MICALL1: variants seen among roughly 807,000 people sequenced by gnomAD.
The protein encoded by MICALL1 is MICAL-like protein 1.
MICALL1 carries 61 observed loss-of-function variants against 83.7 expected under a neutral mutation model. The observed-to-expected ratio is 0.73, with a 90% CI of 0.59 to 0.90. The LOEUF (loss-of-function observed/expected upper bound fraction) is 0.90. Among genes scored for constraint, MICALL1 ranks in the 40% least tolerant of loss-of-function variants. The probability of loss-of-function intolerance (pLI) is 0.00; values close to 1 mark genes in which losing one functional copy is unlikely to be tolerated. For synonymous variants in MICALL1, 481 were observed against 473.6 expected (o/e 1.02, Z -0.20); for missense variants, 1,066 against 1,152.0 (o/e 0.93, Z 1.08).
intron 3 of MICALL1, 31 bp from the exon 4 acceptor site, chr22:37,917,672 ACCTG>A: frequency 6.2e-7 from 1 of 1,605,654 alleles, no homozygotes. Context: ...CAGGATCTCC[ACCTG>A]CTTCAGGACC....
At position 37,925,817 on chromosome 22, in the gene MICALL1, G is replaced by A. The variant is rs760462241; in HGVS notation, c.1239G>A (p.Pro413=). Residue 413 remains proline (P), a synonymous_variant, in exon 8 of 16, where the codon CCG becomes CCA. Transcript: ENST00000215957. ...GAGGCACCGAGGAGGTGGCCCAGCCGAGCCCAACGGCCAGCCTGGAGTCCA... is the reference window on the plus strand; with the variant it reads ...GAGGCACCGAGGAGGTGGCCCAGCCAAGCCCAACGGCCAGCCTGGAGTCCA... ...ENGGTEEVAQ[P]SPTASLESKP... 9.3e-6 allele frequency: 15 copies of A among 1,613,796 alleles called. No individual in the cohort carries two copies. The highest frequency in any genetic ancestry group is 3.3e-5 in the South Asian group (3 of 91,078).
rs1930169186 is a variant in MICALL1 at position 37,937,082 on chromosome 22, A to G, written c.2311A>G (p.Lys771Glu). 1 of 1,551,402 alleles carries G rather than the reference A, an allele frequency of 6.4e-7. No individual in the cohort carries two copies. Among genetic ancestry groups the G allele is most frequent in the Non-Finnish European group, 8.7e-7 (1 of 1,146,912 alleles). Residue 771 changes from lysine to glutamate, a missense_variant and splice_region_variant, in exon 14 of 16, where the codon AAG (lysine) becomes GAG (glutamate). Physicochemically the swap from Lys to Glu is moderately conservative, Grantham distance 56 (BLOSUM62 1). Coordinates refer to ENST00000215957, the MANE Select transcript of MICALL1 (RefSeq NM_033386.4). ...CCCTAACTTTTCTCCCTGGGCAGAA[A>G]AGGACTGGACGGAGGAGGACCGGGC... ...ELRCLLNKPE[K>E]DWTEEDRARE...
At position 37,927,445 on chromosome 22, in the gene MICALL1, G is replaced by A. The variant is rs201808090; in HGVS notation, c.1500G>A (p.Pro500=). 3.4e-5 allele frequency: 54 copies of A among 1,596,726 alleles called. No individual in the cohort carries two copies. The highest frequency in any genetic ancestry group is 4.5e-5 in the East Asian group (2 of 44,384). ...LHASRLSHSE[P]PSATPSPALS... is the part of the protein sequence containing the mutation. ...CCTCCCGCCTCTCGCACTCGGAGCC[G>A]CCCTCGGCCACACCATCGCCAGCGC... The change falls in exon 9 of 16, where the codon CCG becomes CCA. Residue 500 remains proline, a synonymous_variant. Coordinates refer to ENST00000215957, the MANE Select transcript of MICALL1 (RefSeq NM_033386.4).
chr22:37,912,838 T>C (rs543995250), intron 3 of MICALL1, among the ~76,000 whole-genome samples: 1 of 151,910 alleles, frequency 6.6e-6, no homozygotes, highest in Non-Finnish European at 1.5e-5. Flanking sequence ...ATTTTTTGTG[T>C]CTTTAGTAGA....
chr22:37,933,675 C>T (rs1386724373), intron 13 of MICALL1, among the ~76,000 whole-genome samples: 1 of 152,126 alleles, frequency 6.6e-6, no homozygotes, highest in Non-Finnish European at 1.5e-5. Context: ...GCCCTGTGAC[C>T]GTGGAATGCA....
At chr22:37,935,729 C>CTT (rs558695275) in intron 13 of MICALL1, among the ~76,000 whole-genome samples, 4 of 126,336 alleles carry the variant, frequency 3.2e-5, no homozygotes, top group South Asian at 2.6e-4. Context: ...AGGATATTTA[C>CTT]TTTTTTTTTT....
chr22:37,937,228 AG>A, intron 14 of MICALL1, 34 bp downstream of exon 14: 11 of 1,226,274 alleles, frequency 9.0e-6, no homozygotes, highest in Non-Finnish European at 1.3e-5. Context: ...TCCTGGGGGC[AG>A]GGCCAGAGCA....
chr22:37,936,439 T>C (rs576017711), intron 13 of MICALL1, among the ~76,000 whole-genome samples: 1 of 152,256 alleles, frequency 6.6e-6, no homozygotes, highest in Non-Finnish European at 1.5e-5. Flanking sequence ...CTAGTGAACA[T>C]TTGTTGAATG....
In MICALL1 at chr22:37,932,429, A is replaced by G; in HGVS notation, c.2017-124A>G. 2 of 1,469,120 alleles carry G rather than the reference A, an allele frequency of 1.4e-6. No individual in the cohort carries two copies. Among genetic ancestry groups the G allele is most frequent in the African/African-American group, 1.4e-5 (1 of 71,422 alleles). 91.0% of individuals were successfully genotyped at this position (1,469,120 alleles called of 1,614,324 possible). On this transcript the variant is annotated intron_variant, in intron 10 of 15. Transcript: ENST00000215957. The surrounding 1 kb of genome is among the most constrained non-coding windows in gnomAD (Gnocchi z 4.4). ...CCCACTGGGACCCTGCCTTCTTACC[A>G]TGCTGGGGTGGGGGACAGGGCCCGG...
chr22:37,906,444 C>T lies in MICALL1; in HGVS notation c.22C>T (p.Leu8=), dbSNP rs1215518210. The T allele has an allele frequency of 3.0e-5, 36 of 1,184,712 alleles. No individual in the cohort carries two copies. Among genetic ancestry groups the T allele is most frequent in the Non-Finnish European group, 3.7e-5 (35 of 955,720 alleles). 73.4% of individuals were successfully genotyped at this position (1,184,712 alleles called of 1,614,324 possible). A position where few individuals can be genotyped will look rare whatever the true frequency, so the allele number is the denominator to read the frequency against. ...GGTCATGGCTGGGCCGCGGGGCGCGCTGCTGGCCTGGTGCCGCCGCCAGTG... is the reference window on the plus strand; with the variant it reads ...GGTCATGGCTGGGCCGCGGGGCGCGTTGCTGGCCTGGTGCCGCCGCCAGTG... MAGPRGA[L]LAWCRRQCEG... is the part of the protein sequence containing the mutation. Residue 8 remains leucine, a synonymous_variant, in exon 1 of 16, where the codon CTG becomes TTG. Coordinates refer to ENST00000215957, the MANE Select transcript of MICALL1 (RefSeq NM_033386.4). The surrounding 1 kb of genome is among the most constrained non-coding windows in gnomAD (Gnocchi z 4.4).
Position 37,941,040 on chromosome 22 carries a change from C to G in MICALL1, c.*210C>G. 1 of 558,728 alleles carries G rather than the reference C, an allele frequency of 1.8e-6. No homozygotes were observed. The highest frequency in any genetic ancestry group is 2.1e-5 in the South Asian group (1 of 47,524). The allele number at this position is 558,728 out of a possible 1,614,324, so 34.6% of individuals were successfully genotyped here. A position where few individuals can be genotyped will look rare whatever the true frequency, so the allele number is the denominator to read the frequency against. On this transcript the variant is annotated 3_prime_UTR_variant, in exon 16 of 16. Transcript: ENST00000215957. ...TGTTTCTTCTCCGAGCCCCAGGCAGCGGTGATTCAGCCCTGCCCAACCTGA... is the reference window on the plus strand; with the variant it reads ...TGTTTCTTCTCCGAGCCCCAGGCAGGGGTGATTCAGCCCTGCCCAACCTGA...
At position 37,917,726 on chromosome 22, in the gene MICALL1, A is replaced by C. The variant is rs776865478; in HGVS notation, c.357A>C (p.Arg119Ser). The C allele has an allele frequency of 6.2e-7, 1 of 1,613,852 alleles. No individual in the cohort carries two copies. The highest frequency in any genetic ancestry group is 1.1e-5 in the South Asian group (1 of 91,076). ...SPGQAGVSPP[R>S]KGLAPCSPPS... Reference sequence around the variant, plus strand: ...TGGCAGCTGGTGTCTCGCCACCCAGAAAGGGCCTTGCACCCTGTTCCCCGC... The same window carrying C: ...TGGCAGCTGGTGTCTCGCCACCCAGCAAGGGCCTTGCACCCTGTTCCCCGC... Residue 119 changes from arginine to serine, a missense_variant, in exon 4 of 16, where the codon AGA (arginine) becomes AGC (serine). By Grantham distance (110) the Arg-to-Ser change is moderately radical. Transcript: ENST00000215957.
chr22:37,910,952 C>T (rs1446267802), intron 1 of MICALL1, among the ~76,000 whole-genome samples: 1 of 152,220 alleles, frequency 6.6e-6, no homozygotes, highest in Non-Finnish European at 1.5e-5. Context: ...CTTGCCTCTG[C>T]CCACCCATCT....
In MICALL1 at chr22:37,940,845, A is replaced by T; in HGVS notation, c.*15A>T. On this transcript the variant is annotated 3_prime_UTR_variant, in exon 16 of 16. Transcript: ENST00000215957. ...ACAAGAGCTAACAGCACGAGAAGCC[A>T]GTTGGGGACTGCCCCCTCCTGGAGC... 2.5e-6 allele frequency: 4 copies of T among 1,613,280 alleles called. No homozygotes were observed. Among genetic ancestry groups the T allele is most frequent in the Non-Finnish European group, 3.4e-6 (4 of 1,179,436 alleles).
chr22:37,941,067 TCTGATGACTGCGGATG>T lies in MICALL1; in HGVS notation c.*241_*256del, dbSNP rs1279184858. 2.2e-6 allele frequency: 1 copy of T among 456,910 alleles called. No homozygotes were observed. Among genetic ancestry groups the T allele is most frequent in the Non-Finnish European group, 4.0e-6 (1 of 251,596 alleles). 28.3% of individuals were successfully genotyped at this position (456,910 alleles called of 1,614,324 possible). ...GTGATTCAGCCCTGCCCAACCTGAT[TCTGATGACTGCGGATG>T]CTGTGACGGACCCAAGGGGCAAATA... On this transcript the variant is annotated 3_prime_UTR_variant, in exon 16 of 16. Transcript: ENST00000215957.
At chr22:37,921,857 G>C (rs1339682829) in intron 5 of MICALL1, 115 bp from the exon 6 acceptor site, 10 of 961,130 alleles carry the variant, frequency 1.0e-5, no homozygotes, top group African/African-American at 1.6e-5. Flanking sequence ...AGTCGAGCTT[G>C]GCTGGCAGTT....
Position 37,906,426 on chromosome 22 carries a change from G to A in MICALL1, c.4G>A (p.Ala2Thr). The change falls in exon 1 of 16, where the codon GCT (alanine) becomes ACT (threonine). Residue 2 changes from alanine to threonine, a missense_variant. Physicochemically the swap from Ala to Thr is moderately conservative, Grantham distance 58 (BLOSUM62 0). Transcript: ENST00000215957. This position sits in a 1 kb window ranked among gnomAD's most constrained non-coding sequence, Gnocchi z 4.4. MAGPRGALLAWC... is the reference protein window; with the variant it reads MTGPRGALLAWC... ...GAGCCGGGCGGGCCGCGGGGTCATG[G>A]CTGGGCCGCGGGGCGCGCTGCTGGC... 2 of 1,146,022 alleles carry A rather than the reference G, an allele frequency of 1.7e-6. No homozygotes were observed. The highest frequency in any genetic ancestry group is 2.1e-6 in the Non-Finnish European group (2 of 932,988). 71.0% of individuals were successfully genotyped at this position (1,146,022 alleles called of 1,614,324 possible).
chr22:37,923,036 A>C (rs1929195765), intron 6 of MICALL1, among the ~76,000 whole-genome samples: 1 of 151,696 alleles, frequency 6.6e-6, no homozygotes, highest in Admixed American at 6.6e-5. Flanking sequence ...CCCGGCTTCA[A>C]TCAGTTATCC....
chr22:37,934,798 A>G (rs562261039), intron 13 of MICALL1, among the ~76,000 whole-genome samples: 93 of 150,720 alleles, frequency 6.2e-4, no homozygotes, highest in African/African-American at 1.2e-3. Flanking sequence ...AGGTTTCACC[A>G]TGTTAGCCAG....
Sources: allele counts gnomAD v4.1 joint callset (sites outside exome capture counted in the v4.1 genomes callset), GRCh38; gene constraint gnomAD v4.1.1; non-coding constraint Gnocchi (gnomAD v3.1); transcripts MANE v1.5; gene names NCBI Gene and HGNC (gene_info 2026-07-23, HGNC 2026-07-21).